The following DLGAP1 variants were observed in gnomAD, a reference collection of about 807,000 sequenced individuals.
DLGAP1 encodes disks large-associated protein 1.
A neutral mutation model predicts 90.8 loss-of-function variants in DLGAP1; 11 were observed. The observed-to-expected ratio is 0.12, with a 90% CI of 0.08 to 0.20. DLGAP1 has a LOEUF of 0.20. DLGAP1 is among the 10% of genes least tolerant of loss of function. The pLI, the probability that DLGAP1 is intolerant of heterozygous loss-of-function variation, is 1.00. For synonymous variants in DLGAP1, 558 were observed against 540.7 expected (o/e 1.03, Z -0.44); for missense variants, 1,050 against 1,333.8 (o/e 0.79, Z 3.31).
At chr18:4,406,946 G>A (rs545957745) in intron 1 of DLGAP1, among the ~76,000 whole-genome samples, 37 of 152,168 alleles carry the variant, frequency 2.4e-4, no homozygotes, top group Non-Finnish European at 5.3e-4. Flanking sequence ...AGCAATTTCT[G>A]TGGTCTCTTC....
At chr18:4,112,498 T>C (rs2075991632) in intron 2 of DLGAP1, among the ~76,000 whole-genome samples, 1 of 152,196 alleles carries the variant, frequency 6.6e-6, no homozygotes, top group African/African-American at 2.4e-5. Flanking sequence ...CTATTCATTA[T>C]GGAAAGTAGG....
chr18:4,322,970 G>GAAAAAAAAAAAA (rs1398796779), intron 1 of DLGAP1, among the ~76,000 whole-genome samples: 2 of 130,046 alleles, frequency 1.5e-5, no homozygotes, highest in Non-Finnish European at 1.6e-5. Context: ...AAAAAAAAAG[G>GAAAAAAAAAAAA]AAAAAGCTAC....
At chr18:3,811,098 G>A (rs1170733769) in intron 5 of DLGAP1, among the ~76,000 whole-genome samples, 1 of 152,184 alleles carries the variant, frequency 6.6e-6, no homozygotes, top group African/African-American at 2.4e-5. Flanking sequence ...AAGCCACCGT[G>A]CCAGGCCAAT....
chr18:3,505,658 A>AT (rs1259565117), intron 11 of DLGAP1, among the ~76,000 whole-genome samples: 1 of 150,994 alleles, frequency 6.6e-6, no homozygotes, highest in Non-Finnish European at 1.5e-5. Context: ...AAAAAAAAAA[A>AT]AGTCACTATC....
intron 10 of DLGAP1, among the ~76,000 whole-genome samples, chr18:3,523,723 C>G (rs369979347): frequency 6.6e-6 from 1 of 151,834 alleles, no homozygotes; most frequent in Non-Finnish European, 1.5e-5. Flanking sequence ...GGCGTGCGCC[C>G]GTAGTCCCAG....
chr18:4,313,420 T>C (rs1232817956), intron 1 of DLGAP1, among the ~76,000 whole-genome samples: 1 of 152,156 alleles, frequency 6.6e-6, no homozygotes, highest in East Asian at 1.9e-4. Context: ...CAGTTAGCCA[T>C]GCAGCTACAT....
At chr18:3,782,266 A>T (rs999885557) in intron 5 of DLGAP1, among the ~76,000 whole-genome samples, 1 of 151,820 alleles carries the variant, frequency 6.6e-6, no homozygotes, top group Non-Finnish European at 1.5e-5. Context: ...CTTCTAGAGT[A>T]GCTGGGATTA....
chr18:4,391,454 C>G (rs918103504), intron 1 of DLGAP1, among the ~76,000 whole-genome samples: 1 of 152,152 alleles, frequency 6.6e-6, no homozygotes, highest in African/African-American at 2.4e-5. Context: ...CTAGTGTTCA[C>G]TCAGTGGTTA....
At chr18:4,257,390 T>C (rs2078910505) in intron 1 of DLGAP1, among the ~76,000 whole-genome samples, 1 of 152,236 alleles carries the variant, frequency 6.6e-6, no homozygotes, top group Non-Finnish European at 1.5e-5. Context: ...TTGGAATTTA[T>C]AATATACAGT....
chr18:4,249,424 C>T (rs542702165), intron 1 of DLGAP1, among the ~76,000 whole-genome samples: 88 of 143,100 alleles, frequency 6.1e-4, no homozygotes, highest in African/African-American at 1.9e-3. Context: ...AAGTTAATGG[C>T]CTGACATGGT....
intron 1 of DLGAP1, among the ~76,000 whole-genome samples, chr18:4,414,526 C>T (rs2082848500): frequency 6.6e-6 from 1 of 152,070 alleles, no homozygotes; most frequent in South Asian, 2.1e-4. Context: ...GAGTTGCAGA[C>T]CAGCCTGGCC....
At position 3,497,628 on chromosome 18, in the gene DLGAP1, C is replaced by T. The variant is rs1020216951; in HGVS notation, c.*1557G>A. ...TTGATGTATGTTTTTAAAAGTCTTT[C>T]GTTTTTAATTTCTAATGCTTTAGGA... On this transcript the variant is annotated 3_prime_UTR_variant, in exon 13 of 13. Coordinates refer to ENST00000315677, the MANE Select transcript of DLGAP1 (RefSeq NM_004746.4). The T allele has an allele frequency of 2.6e-5, 4 of 152,140 alleles. No homozygotes were observed. The highest frequency in any genetic ancestry group is 1.3e-4 in the Admixed American group (2 of 15,270). 9.4% of individuals were successfully genotyped at this position (152,140 alleles called of 1,614,324 possible). A position where few individuals can be genotyped will look rare whatever the true frequency, so the allele number is the denominator to read the frequency against.
intron 1 of DLGAP1, among the ~76,000 whole-genome samples, chr18:4,290,408 C>G (rs536402791): frequency 6.6e-6 from 1 of 152,192 alleles, no homozygotes; most frequent in Admixed American, 6.6e-5. Flanking sequence ...TCTGTAAAAT[C>G]TAACTATCAG....
chr18:3,600,773 T>G (rs751900633), intron 7 of DLGAP1, among the ~76,000 whole-genome samples: 7 of 57,400 alleles, frequency 1.2e-4, no homozygotes, highest in Admixed American at 3.5e-4. Context: ...TAGATATATA[T>G]AGATATATAG....
intron 4 of DLGAP1, among the ~76,000 whole-genome samples, chr18:3,869,464 G>A (rs1568263332): frequency 6.6e-6 from 1 of 152,212 alleles, no homozygotes; most frequent in African/African-American, 2.4e-5. Flanking sequence ...GGTGAGGTGG[G>A]AGGGTCGCTT....
intron 11 of DLGAP1, among the ~76,000 whole-genome samples, chr18:3,503,345 A>G (rs1598957915): frequency 6.6e-6 from 1 of 152,204 alleles, no homozygotes; most frequent in African/African-American, 2.4e-5. Flanking sequence ...GTAATGACCC[A>G]TTTGCTAAGT....
chr18:4,145,448 G>T (rs9953780), intron 2 of DLGAP1, among the ~76,000 whole-genome samples: 12,101 of 152,088 alleles, frequency 0.08, 1,224 homozygotes, highest in East Asian at 0.23. Flanking sequence ...TTAAATCCTG[G>T]GCTAAGATTG....
At chr18:3,579,655 A>G (rs983156748) in intron 8 of DLGAP1, among the ~76,000 whole-genome samples, 3 of 152,216 alleles carry the variant, frequency 2.0e-5, no homozygotes, top group African/African-American at 7.2e-5. Flanking sequence ...TTCTTCTTTG[A>G]TAGAAGAACA....
At chr18:4,144,810 A>G (rs558625046) in intron 2 of DLGAP1, among the ~76,000 whole-genome samples, 55 of 152,312 alleles carry the variant, frequency 3.6e-4, no homozygotes, top group Non-Finnish European at 6.9e-4. Context: ...CTAGCATATG[A>G]TAAGAATATG....
Sources: allele counts gnomAD v4.1 joint callset (sites outside exome capture counted in the v4.1 genomes callset), GRCh38; gene constraint gnomAD v4.1.1; transcripts MANE v1.5; gene names NCBI Gene and HGNC (gene_info 2026-07-23, HGNC 2026-07-21).